Variants in NFASC observed in about 807,000 individuals in gnomAD.
The protein encoded by NFASC is neurofascin homolog.
In NFASC, 43 loss-of-function variants were observed where a neutral mutation model predicts 147.5. That is an observed-to-expected ratio of 0.29 (90% CI 0.23 to 0.38). The LOEUF is 0.38. Ranked by LOEUF, NFASC falls within the 10% of genes least tolerant of loss-of-function variation. The probability of loss-of-function intolerance (pLI) is 1.00; values close to 1 mark genes in which losing one functional copy is unlikely to be tolerated. For synonymous variants in NFASC, 622 were observed against 665.5 expected (o/e 0.93, Z 1.01); for missense variants, 1,320 against 1,689.0 (o/e 0.78, Z 3.83).
At chr1:205,009,377 T>C (rs758950765) in intron 27 of NFASC, 180 bp from the exon 28 acceptor site, 1 of 767,468 alleles carries the variant, frequency 1.3e-6, no homozygotes, top group South Asian at 1.4e-5. Flanking sequence ...ACCTTGGCTC[T>C]TTAATTATTT....
At chr1:204,855,892 G>A (rs1480008177) in intron 1 of NFASC, among the ~76,000 whole-genome samples, 1 of 152,204 alleles carries the variant, frequency 6.6e-6, no homozygotes, top group African/African-American at 2.4e-5. Flanking sequence ...AAAGCTTTCA[G>A]GGAGGAGAAG....
chr1:205,009,779 T>G, intron 28 of NFASC, 91 bp downstream of exon 28: 1 of 1,372,598 alleles, frequency 7.3e-7, no homozygotes, highest in South Asian at 1.3e-5. Flanking sequence ...GGGGAATGTG[T>G]TCTCTCAGTG....
At chr1:204,948,057 G>A (rs185526750) in intron 3 of NFASC, among the ~76,000 whole-genome samples, 13 of 152,260 alleles carry the variant, frequency 8.5e-5, no homozygotes, top group African/African-American at 2.4e-4. Flanking sequence ...ACGCACTCAC[G>A]TGCTCCATCT....
At chr1:204,896,156 A>C (rs10900430) in intron 1 of NFASC, among the ~76,000 whole-genome samples, 30,770 of 152,098 alleles carry the variant, frequency 0.2, 5,018 homozygotes, top group East Asian at 0.72. Context: ...AGCTGAATGC[A>C]GAGAACTGAG....
chr1:204,877,024 ATAT>A lies in NFASC; in HGVS notation c.-199-43607_-199-43605del, dbSNP rs1558548547. On this transcript the variant is annotated intron_variant, in intron 1 of 29. Coordinates refer to ENST00000339876, the MANE Select transcript of NFASC (RefSeq NM_001005388.3). ...TATATATATATATATATATATATAT[ATAT>A]AATATATATTTATATATATATAATA... is the stretch of plus-strand genomic sequence containing the variant. 5.9e-4 allele frequency among the ~76,000 whole-genome samples: 59 copies of A among 99,694 alleles called. 1 individual carries two copies. The highest frequency in any genetic ancestry group is 2.9e-3 in the African/African-American group (53 of 18,278). The allele number at this position is 99,694 out of a possible 152,430, so 65.4% of individuals were successfully genotyped here. A position where few individuals can be genotyped will look rare whatever the true frequency, so the allele number is the denominator to read the frequency against.
intron 21 of NFASC, among the ~76,000 whole-genome samples, chr1:204,983,872 T>A (rs2095555360): frequency 6.6e-6 from 1 of 152,164 alleles, no homozygotes; most frequent in Admixed American, 6.5e-5. Flanking sequence ...TCCCCACCAC[T>A]TTTTCAAGTA....
chr1:204,837,781 C>T (rs908045246), intron 1 of NFASC, among the ~76,000 whole-genome samples: 1 of 147,454 alleles, frequency 6.8e-6, no homozygotes, highest in African/African-American at 2.4e-5. Flanking sequence ...ATGATTCTGC[C>T]TAGGACTAGG....
At chr1:204,877,357 C>A (rs2079228989) in intron 1 of NFASC, among the ~76,000 whole-genome samples, 1 of 151,916 alleles carries the variant, frequency 6.6e-6, no homozygotes, top group South Asian at 2.1e-4. Flanking sequence ...GTGAAACGGC[C>A]AGAACCAGTG....
In NFASC at chr1:204,962,572, A is replaced by T. The variant is rs186142393; in HGVS notation, c.706+4746A>T. On this transcript the variant is annotated intron_variant, in intron 8 of 29. Coordinates refer to ENST00000339876, the MANE Select transcript of NFASC (RefSeq NM_001005388.3). ...TATTGGTAGTTGAAAGAACACAGAA[A>T]GCTTGTTAGTATGTTCAGTTAACTC... Among the ~76,000 whole-genome samples, 493 of 152,336 alleles carry T rather than the reference A, an allele frequency of 3.2e-3. 8 individuals carry two copies. Among genetic ancestry groups the T allele is most frequent in the Non-Finnish European group, 2.0e-3 (135 of 68,036 alleles).
intron 2 of NFASC, among the ~76,000 whole-genome samples, chr1:204,929,684 TGCTCCCTGGGGAATGGGAGCTGGGGAGTC>T (rs1251686496): frequency 2.7e-4 from 41 of 152,164 alleles, no homozygotes; most frequent in African/African-American, 5.1e-4. Flanking sequence ...CTGTGGCAGG[TGCTCCCTGGGGAATGGGAGCTGGGGAGTC>T]GCTCCCTGGG....
Position 205,016,621 on chromosome 1 carries a change from G to T in NFASC, c.*82G>T. 1.0e-6 allele frequency: 1 copy of T among 960,946 alleles called. No homozygotes were observed. The highest frequency in any genetic ancestry group is 1.7e-6 in the Non-Finnish European group (1 of 601,074). 59.5% of individuals were successfully genotyped at this position (960,946 alleles called of 1,614,324 possible). A position where few individuals can be genotyped will look rare whatever the true frequency, so the allele number is the denominator to read the frequency against. The stretch of plus-strand genomic sequence containing the variant: ...GACAAAACCACTGCAGACCTACCAC[G>T]AAGCCACCACCACCTTCAGTAACAA... On this transcript the variant is annotated 3_prime_UTR_variant, in exon 30 of 30. Coordinates refer to ENST00000339876, the MANE Select transcript of NFASC (RefSeq NM_001005388.3). This position sits in a 1 kb window ranked among gnomAD's most constrained non-coding sequence, Gnocchi z 5.1.
In NFASC at chr1:204,887,744, G is replaced by A. The variant is rs367849575; in HGVS notation, c.-199-32888G>A. On this transcript the variant is annotated intron_variant, in intron 1 of 29. Transcript: ENST00000339876. ...CCCAAGTAGCTGGGACCACAGGTGT[G>A]TACCACAACGCTCAGCTAATTTTTT... Among the ~76,000 whole-genome samples the A allele has an allele frequency of 3.9e-5, 6 of 151,928 alleles. No individual in the cohort carries two copies. In the East Asian group the frequency reaches 7.7e-4, roughly 20 times the overall value.
Position 204,979,764 on chromosome 1 carries a change from A to AC in NFASC, c.2176+205_2176+206insC, listed in dbSNP as rs2095477135. Among the ~76,000 whole-genome samples, 2 of 152,228 alleles carry AC rather than the reference A, an allele frequency of 1.3e-5. No individual in the cohort carries two copies. Among genetic ancestry groups the AC allele is most frequent in the Non-Finnish European group, 2.9e-5 (2 of 68,046 alleles). On this transcript the variant is annotated intron_variant, in intron 19 of 29. Coordinates refer to ENST00000339876, the MANE Select transcript of NFASC (RefSeq NM_001005388.3). This position sits in a 1 kb window ranked among gnomAD's most constrained non-coding sequence, Gnocchi z 6.0. The stretch of plus-strand genomic sequence containing the variant: ...GAATGTGTGCCAGGTACTTACTATG[A>AC]TGCCTGGCATGTAGTGAGCACATGA...
chr1:204,954,744 C>T lies in NFASC; in HGVS notation c.413-85C>T. ...TCCAGGTGCCCCTTCTGTTTCTCCT[C>T]CTTGCATGCCTGCCTCTGACCCTGC... On this transcript the variant is annotated intron_variant, in intron 6 of 29. Transcript: ENST00000339876. The surrounding 1 kb of genome is among the most constrained non-coding windows in gnomAD (Gnocchi z 5.7). The T allele has an allele frequency of 1.3e-6, 2 of 1,502,308 alleles. No individual in the cohort carries two copies. Among genetic ancestry groups the T allele is most frequent in the Admixed American group, 1.8e-5 (1 of 56,348 alleles). The allele number at this position is 1,502,308 out of a possible 1,614,324, so 93.1% of individuals were successfully genotyped here. A position where few individuals can be genotyped will look rare whatever the true frequency, so the allele number is the denominator to read the frequency against.
In NFASC at chr1:204,997,343, G is replaced by A; in HGVS notation, c.2956G>A (p.Ala986Thr). Residue 986 changes from alanine (A) to threonine (T), a missense_variant, in exon 25 of 30, where the codon GCC becomes ACC. Coordinates refer to ENST00000339876, the MANE Select transcript of NFASC (RefSeq NM_001005388.3). ...CGCCACAACTACTACAACCACTGCT[G>A]CCGCCACCACCACCACGGAGAGTCC... is the stretch of plus-strand genomic sequence containing the variant. ...TVATTTTTTA[A>T]ATTTTESPPT... 6.4e-7 allele frequency: 1 copy of A among 1,562,862 alleles called. No individual in the cohort carries two copies. Among genetic ancestry groups the A allele is most frequent in the Non-Finnish European group, 8.7e-7 (1 of 1,153,592 alleles).
intron 3 of NFASC, 28 bp downstream of exon 3, chr1:204,944,434 T>G (rs749902525): frequency 6.5e-7 from 1 of 1,530,132 alleles, no homozygotes; most frequent in Non-Finnish European, 8.8e-7. Flanking sequence ...CTCTTCTCTT[T>G]TTTTTCCTGA....
Position 204,974,304 on chromosome 1 carries a change from G to T in NFASC, c.1391+14G>T. ...CACACTGCGATGGTAAGTTCCAGGAGATCAGGCCTTCCACAGCAGGGGTCA... is the reference window on the plus strand; with the variant it reads ...CACACTGCGATGGTAAGTTCCAGGATATCAGGCCTTCCACAGCAGGGGTCA... On this transcript the variant is annotated intron_variant, in intron 13 of 29. Transcript: ENST00000339876. 1 of 1,597,668 alleles carries T rather than the reference G, an allele frequency of 6.3e-7. No homozygotes were observed. The highest frequency in any genetic ancestry group is 8.6e-7 in the Non-Finnish European group (1 of 1,165,526).
Position 204,986,006 on chromosome 1 carries a change from G to T in NFASC, c.2471-1412G>T, listed in dbSNP as rs1175447593. 10 of 1,613,860 alleles carry T rather than the reference G, an allele frequency of 6.2e-6. No individual in the cohort carries two copies. The highest frequency in any genetic ancestry group is 7.6e-6 in the Non-Finnish European group (9 of 1,179,744). On this transcript the variant is annotated intron_variant, in intron 21 of 29. Coordinates refer to ENST00000339876, the MANE Select transcript of NFASC (RefSeq NM_001005388.3). The surrounding 1 kb of genome is among the most constrained non-coding windows in gnomAD (Gnocchi z 4.2). Reference sequence around the variant, plus strand: ...CCCTGGTGACCGCCTCCGTGGCGTGGTGTCCCGCCTCTTCCCCTACAGTAA... The same window carrying T: ...CCCTGGTGACCGCCTCCGTGGCGTGTTGTCCCGCCTCTTCCCCTACAGTAA...
intron 1 of NFASC, among the ~76,000 whole-genome samples, chr1:204,911,608 C>G (rs2087519537): frequency 1.3e-5 from 2 of 152,050 alleles, no homozygotes; most frequent in African/African-American, 4.8e-5. Context: ...AAATGTTGCA[C>G]TATCTATGTC....
Sources: allele counts gnomAD v4.1 joint callset (sites outside exome capture counted in the v4.1 genomes callset), GRCh38; gene constraint gnomAD v4.1.1; non-coding constraint Gnocchi (gnomAD v3.1); transcripts MANE v1.5; gene names NCBI Gene and HGNC (gene_info 2026-07-23, HGNC 2026-07-21).